The following HEPHL1 variants were observed in gnomAD, a reference collection of about 807,000 sequenced individuals.
The protein encoded by HEPHL1 is hephaestin like 1.
Under a neutral mutation model 122.0 loss-of-function variants are expected in HEPHL1, and 123 were observed. The observed-to-expected ratio is 1.01, with a 90% CI of 0.87 to 1.17. HEPHL1 has a LOEUF of 1.17. HEPHL1 is among the 50% of genes most tolerant of loss of function. The pLI is 0.00. For missense variants in HEPHL1, 1,452 were observed against 1,430.5 expected (o/e 1.01, Z -0.24); for synonymous variants, 527 against 508.9 (o/e 1.04, Z -0.48).
chr11:94,056,143 T>C (rs938342640), intron 2 of HEPHL1, among the ~76,000 whole-genome samples: 3 of 152,226 alleles, frequency 2.0e-5, no homozygotes, highest in African/African-American at 7.2e-5. Context: ...TCTTTGTCTC[T>C]AATAGCATTT....
At chr11:94,111,201 T>C (rs1376309423) in intron 18 of HEPHL1, 136 bp downstream of exon 18, 4 of 706,824 alleles carry the variant, frequency 5.7e-6, no homozygotes, top group African/African-American at 5.4e-5. Context: ...TATGTAAATA[T>C]GTAACTATAA....
At chr11:94,063,867 T>G (rs959960758) in intron 3 of HEPHL1, 147 bp downstream of exon 3, 25 of 651,026 alleles carry the variant, frequency 3.8e-5, no homozygotes, top group Non-Finnish European at 6.5e-5. Flanking sequence ...TCTGACACCA[T>G]AGCAGAGGGC....
chr11:94,113,143 A>C lies in HEPHL1; in HGVS notation c.*1249A>C, dbSNP rs1429587773. The C allele has an allele frequency of 2.0e-5, 3 of 152,110 alleles. No individual in the cohort carries two copies. The allele number at this position is 152,110 out of a possible 1,614,324, so 9.4% of individuals were successfully genotyped here. ...ACTAAACTCAACCCATTATGAGGCAATCTACACTGTCCATACCTATGCTTA... is the reference window on the plus strand; with the variant it reads ...ACTAAACTCAACCCATTATGAGGCACTCTACACTGTCCATACCTATGCTTA... On this transcript the variant is annotated 3_prime_UTR_variant, in exon 20 of 20. Transcript: ENST00000315765.
intron 2 of HEPHL1, among the ~76,000 whole-genome samples, chr11:94,052,587 G>A (rs2134419977): frequency 6.6e-6 from 1 of 152,048 alleles, no homozygotes; most frequent in Admixed American, 6.5e-5. Flanking sequence ...TTCCTTTCCA[G>A]TTTGGATGTC....
intron 1 of HEPHL1, among the ~76,000 whole-genome samples, chr11:94,037,357 G>C (rs1349575771): frequency 6.6e-6 from 1 of 151,770 alleles, no homozygotes; most frequent in Non-Finnish European, 1.5e-5. Context: ...TGAACTGGGT[G>C]GAGCCCACCA....
At chr11:94,050,165 A>T (rs1435889948) in intron 2 of HEPHL1, among the ~76,000 whole-genome samples, 1 of 152,136 alleles carries the variant, frequency 6.6e-6, no homozygotes, top group Admixed American at 6.6e-5. Flanking sequence ...GTGCATAGAA[A>T]GAATTAATTT....
intron 11 of HEPHL1, among the ~76,000 whole-genome samples, chr11:94,087,666 C>G (rs1404481160): frequency 1.3e-5 from 2 of 152,052 alleles, no homozygotes; most frequent in African/African-American, 4.8e-5. Flanking sequence ...ATGATCAATA[C>G]ATAAAAAATA....
At position 94,042,875 on chromosome 11, in the gene HEPHL1, T is replaced by TAAAAAAAAAAAAAAA. The variant is rs58966846; in HGVS notation, c.171-2794_171-2780dup. Among the ~76,000 whole-genome samples, 140 of 63,110 alleles carry TAAAAAAAAAAAAAAA rather than the reference T, an allele frequency of 2.2e-3. 9 individuals carry two copies. The highest frequency in any genetic ancestry group is 0.011 in the South Asian group (17 of 1,484). 41.4% of individuals were successfully genotyped at this position (63,110 alleles called of 152,430 possible). A position where few individuals can be genotyped will look rare whatever the true frequency, so the allele number is the denominator to read the frequency against. On this transcript the variant is annotated intron_variant, in intron 1 of 19. Transcript: ENST00000315765. ...ATGTACCCTAAAACTTAAAGTATAA[T>TAAAAAAAAAAAAAAA]AAAAAAAAAAAAAAAAAACTGCATG...
At position 94,064,505 on chromosome 11, in the gene HEPHL1, T is replaced by C; in HGVS notation, c.803T>C (p.Met268Thr). The C allele has an allele frequency of 6.2e-7, 1 of 1,610,326 alleles. No homozygotes were observed. The highest frequency in any genetic ancestry group is 8.5e-7 in the Non-Finnish European group (1 of 1,177,084). Residue 268 changes from methionine (M) to threonine (T), a missense_variant, in exon 4 of 20, where the codon ATG becomes ACG. Coordinates refer to ENST00000315765, the MANE Select transcript of HEPHL1 (RefSeq NM_001098672.2). ...GCTGTTTTCCAGAGGAGTAACAAAA[T>C]GCATGGTGAGTACCTCCCATGTTCC... ...KDAVFQRSNK[M>T]HALNGYLFGN...
intron 13 of HEPHL1, among the ~76,000 whole-genome samples, chr11:94,099,648 C>T (rs1040684814): frequency 1.3e-5 from 2 of 152,174 alleles, no homozygotes; most frequent in Non-Finnish European, 2.9e-5. Flanking sequence ...CCTCGAGCTG[C>T]GGTGGGCTCC....
chr11:94,042,007 T>A (rs1402043764), intron 1 of HEPHL1, among the ~76,000 whole-genome samples: 1 of 35,930 alleles, frequency 2.8e-5, no homozygotes, highest in East Asian at 6.1e-4. Flanking sequence ...GAATCTACAA[T>A]GAACTCAAAC....
At position 94,064,501 on chromosome 11, in the gene HEPHL1, A is replaced by G. The variant is rs1476247119; in HGVS notation, c.799A>G (p.Lys267Glu). 1.2e-6 allele frequency: 2 copies of G among 1,611,446 alleles called. No homozygotes were observed. Among genetic ancestry groups the G allele is most frequent in the African/African-American group, 2.7e-5 (2 of 75,006 alleles). ...AGATGCTGTTTTCCAGAGGAGTAAC[A>G]AAATGCATGGTGAGTACCTCCCATG... The part of the protein sequence containing the change: ...KKDAVFQRSN[K>E]MHALNGYLFG... The change falls in exon 4 of 20, where the codon AAA becomes GAA. Residue 267 changes from lysine (K) to glutamate (E), a missense_variant. Coordinates refer to ENST00000315765, the MANE Select transcript of HEPHL1 (RefSeq NM_001098672.2).
Position 94,060,361 on chromosome 11 carries a change from T to C in HEPHL1, c.416-3147T>C, listed in dbSNP as rs1045456641. Among the ~76,000 whole-genome samples the C allele has an allele frequency of 8.6e-5, 13 of 151,946 alleles. 1 individual carries two copies. Among genetic ancestry groups the C allele is most frequent in the African/African-American group, 3.1e-4 (13 of 41,410 alleles). On this transcript the variant is annotated intron_variant, in intron 2 of 19. Transcript: ENST00000315765. ...TGTAAATATATATATGGTGTGTGTG[T>C]ATATATACACTTACATATACACACA...
chr11:94,075,923 T>C (rs375224090), intron 9 of HEPHL1, among the ~76,000 whole-genome samples: 9 of 152,286 alleles, frequency 5.9e-5, no homozygotes, highest in African/African-American at 2.2e-4. Context: ...ACTTAGAGAT[T>C]TGAATTGTTC....
rs1427581563 is a variant in HEPHL1 at position 94,112,183 on chromosome 11, A to G, written c.*289A>G. Reference sequence around the variant, plus strand: ...TGGTTGGATTCACTGAATAGGAGACACTCTGAAAGATATCTTTATATTCCA... The same window carrying G: ...TGGTTGGATTCACTGAATAGGAGACGCTCTGAAAGATATCTTTATATTCCA... On this transcript the variant is annotated 3_prime_UTR_variant, in exon 20 of 20. Coordinates refer to ENST00000315765, the MANE Select transcript of HEPHL1 (RefSeq NM_001098672.2). The G allele has an allele frequency of 3.5e-6, 1 of 282,858 alleles. No individual in the cohort carries two copies. Among genetic ancestry groups the G allele is most frequent in the Non-Finnish European group, 6.5e-6 (1 of 153,588 alleles). 17.5% of individuals were successfully genotyped at this position (282,858 alleles called of 1,614,324 possible).
intron 1 of HEPHL1, among the ~76,000 whole-genome samples, chr11:94,023,856 A>G (rs1326616023): frequency 2.0e-5 from 3 of 152,178 alleles, no homozygotes; most frequent in Non-Finnish European, 4.4e-5. Context: ...CAGTGATCCC[A>G]TCAGTGCTAG....
intron 1 of HEPHL1, among the ~76,000 whole-genome samples, chr11:94,028,875 G>T (rs1017547747): frequency 5.3e-5 from 8 of 152,178 alleles, no homozygotes; most frequent in African/African-American, 1.9e-4. Context: ...TGGAGTTTCT[G>T]TTCTACTATT....
chr11:94,043,371 G>C (rs1018076171), intron 1 of HEPHL1, among the ~76,000 whole-genome samples: 1 of 152,144 alleles, frequency 6.6e-6, no homozygotes, highest in Non-Finnish European at 1.5e-5. Flanking sequence ...GATTTTCTCA[G>C]ATTTAACCAA....
intron 13 of HEPHL1, among the ~76,000 whole-genome samples, chr11:94,098,071 G>A (rs1946333711): frequency 6.6e-6 from 1 of 151,976 alleles, no homozygotes; most frequent in Non-Finnish European, 1.5e-5. Context: ...ATGTTAGCTG[G>A]TTATTTCACT....
Sources: gnomAD v4.1 joint callset for allele counts (sites outside exome capture counted in the v4.1 genomes callset) on GRCh38, gnomAD v4.1.1 for gene constraint, MANE v1.5 for transcripts, NCBI Gene and HGNC (gene_info 2026-07-23, HGNC 2026-07-21) for gene names.